KALRN: variants seen among roughly 807,000 people sequenced by gnomAD.
KALRN encodes the protein kalirin RhoGEF kinase.
A neutral mutation model predicts 353.7 loss-of-function variants in KALRN; 70 were observed. The ratio of observed to expected loss-of-function variants is 0.20; its 90% CI spans 0.16 to 0.24. The LOEUF is 0.24. Among genes scored for constraint, KALRN ranks in the 10% least tolerant of loss-of-function variants. The pLI is 1.00. For missense variants in KALRN, 2,791 were observed against 3,756.7 expected (o/e 0.74, Z 6.72); for synonymous variants, 1,391 against 1,434.8 (o/e 0.97, Z 0.69).
At position 124,632,629 on chromosome 3, in the gene KALRN, G is replaced by A; in HGVS notation, c.5392G>A (p.Gly1798Ser). The A allele has an allele frequency of 6.2e-7, 1 of 1,614,172 alleles. No individual in the cohort carries two copies. ...CAAAAAGCAGAAGAAAGTTCGCGAT[G>A]GTCGGAAGAGCTTTGACCTGGGATC... ...NIKKQKKVRD[G>S]RKSFDLGSPK... The change falls in exon 35 of 60, where the codon GGT becomes AGT. Residue 1798 changes from glycine to serine, a missense_variant. By Grantham distance (56) the Gly-to-Ser change is moderately conservative. This residue lies in a region of KALRN where 1,065 missense variants were observed against 1,156.4 expected (regional missense o/e 0.92). Coordinates refer to ENST00000682506, the MANE Select transcript of KALRN (RefSeq NM_001388419.1).
At chr3:124,429,603 T>C (rs1239873035) in intron 15 of KALRN, among the ~76,000 whole-genome samples, 1 of 152,246 alleles carries the variant, frequency 6.6e-6, no homozygotes, top group Non-Finnish European at 1.5e-5. Context: ...AGCCTAACTC[T>C]TCCAGTTGCA....
At chr3:124,684,811 G>T (rs191332875) in intron 51 of KALRN, among the ~76,000 whole-genome samples, 16 of 152,270 alleles carry the variant, frequency 1.1e-4, no homozygotes, top group Admixed American at 2.0e-4. Flanking sequence ...GACTCAACTG[G>T]AGTGTCCACT....
chr3:124,717,738 C>A (rs2150831933), intron 59 of KALRN, among the ~76,000 whole-genome samples: 1 of 152,192 alleles, frequency 6.6e-6, no homozygotes, highest in South Asian at 2.1e-4. Context: ...CTTAAATGGC[C>A]AAGTCCAACT....
At chr3:124,547,553 G>T (rs149743527) in intron 33 of KALRN, among the ~76,000 whole-genome samples, 81 of 152,252 alleles carry the variant, frequency 5.3e-4, no homozygotes, top group African/African-American at 1.9e-3. Flanking sequence ...CAATCCTCCT[G>T]CCTGGGCCTC....
intron 49 of KALRN, among the ~76,000 whole-genome samples, chr3:124,676,687 G>A (rs529403886): frequency 1.3e-4 from 20 of 152,134 alleles, no homozygotes; most frequent in Non-Finnish European, 2.5e-4. Context: ...CATACACAAC[G>A]TGCTGCCTGC....
chr3:124,465,821 A>G (rs925833537), intron 25 of KALRN, among the ~76,000 whole-genome samples: 1 of 152,116 alleles, frequency 6.6e-6, no homozygotes, highest in African/African-American at 2.4e-5. Context: ...TGGGAGGGAG[A>G]GCAGGAGGAA....
At chr3:124,283,817 C>G (rs572579192) in intron 5 of KALRN, among the ~76,000 whole-genome samples, 2 of 152,012 alleles carry the variant, frequency 1.3e-5, no homozygotes, top group East Asian at 3.9e-4. Context: ...GCTCATCTGT[C>G]AAGAACAGTG....
intron 1 of KALRN, among the ~76,000 whole-genome samples, chr3:124,132,732 CT>C (rs1222095286): frequency 2.0e-5 from 3 of 152,144 alleles, no homozygotes; most frequent in African/African-American, 7.2e-5. Flanking sequence ...TCCTTCATGG[CT>C]GTTTTGGCAG....
At chr3:124,113,811 C>T (rs1323686686) in intron 1 of KALRN, among the ~76,000 whole-genome samples, 2 of 152,174 alleles carry the variant, frequency 1.3e-5, no homozygotes, top group African/African-American at 4.8e-5. Flanking sequence ...TGGCCCAGCC[C>T]AGAATAATAA....
At chr3:124,554,709 A>C (rs755540824) in intron 33 of KALRN, among the ~76,000 whole-genome samples, 63 of 151,986 alleles carry the variant, frequency 4.1e-4, no homozygotes, top group Admixed American at 6.6e-4. Flanking sequence ...AAGTCTGGTA[A>C]TCTATAGCTG....
chr3:124,286,077 TCCTTC>T (rs1360742613), intron 5 of KALRN, among the ~76,000 whole-genome samples: 1 of 113,208 alleles, frequency 8.8e-6, no homozygotes, highest in Non-Finnish European at 1.8e-5. Context: ...TTTCTTTCTT[TCCTTC>T]CTTTCTTTCT....
At position 124,154,502 on chromosome 3, in the gene KALRN, C is replaced by G. The variant is rs559783675; in HGVS notation, c.74-73488C>G. On this transcript the variant is annotated intron_variant, in intron 1 of 59. Coordinates refer to ENST00000682506, the MANE Select transcript of KALRN (RefSeq NM_001388419.1). ...AGAGAGCCAAATCATGAGTGAACTC[C>G]CATTCACAATTGCTTCAAAGAGAAT... Among the ~76,000 whole-genome samples the G allele has an allele frequency of 5.3e-5, 8 of 152,238 alleles. No individual in the cohort carries two copies. In the East Asian group the frequency reaches 1.5e-3, roughly 29 times the overall value.
In KALRN at chr3:124,544,119, A is replaced by C. The variant is rs1489382831; in HGVS notation, c.4936-18724A>C. On this transcript the variant is annotated intron_variant, in intron 33 of 59. Coordinates refer to ENST00000682506, the MANE Select transcript of KALRN (RefSeq NM_001388419.1). The stretch of plus-strand genomic sequence containing the variant: ...AAATACTGTAATAAAGGAAACTGTC[A>C]TGTGTGTTGGGAACATGAAGGAAGG... Among the ~76,000 whole-genome samples, 5 of 152,336 alleles carry C rather than the reference A, an allele frequency of 3.3e-5. No individual in the cohort carries two copies. The East Asian group carries it at 9.6e-4, about 29-fold the overall frequency.
chr3:124,097,632 ACAT>A (rs1158762106), intron 1 of KALRN, among the ~76,000 whole-genome samples: 5 of 152,368 alleles, frequency 3.3e-5, no homozygotes, highest in African/African-American at 1.2e-4. Flanking sequence ...ACATTAGAAC[ACAT>A]CATGGAGCTG....
rs2080949548 is a variant in KALRN at position 124,633,023 on chromosome 3, A to G, written c.5466+320A>G. Among the ~76,000 whole-genome samples, 5 of 152,318 alleles carry G rather than the reference A, an allele frequency of 3.3e-5. No individual in the cohort carries two copies. In the South Asian group the frequency reaches 1.0e-3, roughly 32 times the overall value. On this transcript the variant is annotated intron_variant, in intron 35 of 59. Coordinates refer to ENST00000682506, the MANE Select transcript of KALRN (RefSeq NM_001388419.1). ...ATTAAAACCAGCTAGACCTGTTTAGATTTAGAATAAAAGAATGAAGATTGT... is the reference window on the plus strand; with the variant it reads ...ATTAAAACCAGCTAGACCTGTTTAGGTTTAGAATAAAAGAATGAAGATTGT...
intron 13 of KALRN, among the ~76,000 whole-genome samples, chr3:124,399,924 T>G (rs1005008807): frequency 6.6e-6 from 1 of 152,180 alleles, no homozygotes; most frequent in Non-Finnish European, 1.5e-5. Context: ...CATAAGGCAC[T>G]TTTTCCTTTT....
At chr3:124,549,980 C>T (rs1271853370) in intron 33 of KALRN, among the ~76,000 whole-genome samples, 1 of 151,978 alleles carries the variant, frequency 6.6e-6, no homozygotes, top group Non-Finnish European at 1.5e-5. Flanking sequence ...GCTTTGAATG[C>T]CAGGACAAGG....
rs1239786329 is a variant in KALRN, at chr3:124,175,513, A to T, written c.74-52477A>T. Reference sequence around the variant, plus strand: ...ATCTCCAGGATGGGGAAATGTGTACAGCCAAGTGTCCAGGCCTGTTCTCCA... The same window carrying T: ...ATCTCCAGGATGGGGAAATGTGTACTGCCAAGTGTCCAGGCCTGTTCTCCA... On this transcript the variant is annotated intron_variant, in intron 1 of 59. Transcript: ENST00000682506. Among the ~76,000 whole-genome samples, 21 of 108,112 alleles carry T rather than the reference A, an allele frequency of 1.9e-4. No individual in the cohort carries two copies. In the Admixed American group the frequency reaches 2.2e-3, roughly 11 times the overall value. 70.9% of individuals were successfully genotyped at this position (108,112 alleles called of 152,430 possible).
Position 124,699,919 on chromosome 3 carries a change from G to T in KALRN, c.7882G>T (p.Val2628Phe). The stretch of plus-strand genomic sequence containing the variant: ...GGCTTCGACCTTGGACACTTACCTC[G>T]TCATCGAAGACCTTAGTCCCGGGTG... The part of the protein sequence containing the change: ...SVASTLDTYL[V>F]IEDLSPGCPY... Residue 2628 changes from valine (V) to phenylalanine (F), a missense_variant, in exon 56 of 60, where the codon GTC becomes TTC. Transcript: ENST00000682506. The T allele has an allele frequency of 6.2e-7, 1 of 1,614,156 alleles. No homozygotes were observed. The highest frequency in any genetic ancestry group is 8.5e-7 in the Non-Finnish European group (1 of 1,180,020).
Sources: allele counts gnomAD v4.1 joint callset (sites outside exome capture counted in the v4.1 genomes callset), GRCh38; gene constraint gnomAD v4.1.1; regional missense constraint gnomAD v4.1.1; transcripts MANE v1.5; gene names NCBI Gene and HGNC (gene_info 2026-07-23, HGNC 2026-07-21).